The following CCNG2 variants were observed in gnomAD, a reference collection of about 807,000 sequenced individuals.
CCNG2 encodes cyclin-G2.
A neutral mutation model predicts 36.5 loss-of-function variants in CCNG2; 20 were observed. That is an observed-to-expected ratio of 0.55 (90% CI 0.39 to 0.80). CCNG2 has a LOEUF of 0.80. Among genes scored for constraint, CCNG2 ranks in the 30% least tolerant of loss-of-function variants. The pLI is 0.00. For missense variants in CCNG2, 358 were observed against 390.8 expected (o/e 0.92, Z 0.71); for synonymous variants, 155 against 140.1 (o/e 1.11, Z -0.75).
Position 77,165,899 on chromosome 4 carries a change from C to A in CCNG2, c.1010C>A (p.Ala337Glu). 1 of 1,609,348 alleles carries A rather than the reference C, an allele frequency of 6.2e-7. No homozygotes were observed. Among genetic ancestry groups the A allele is most frequent in the Admixed American group, 1.7e-5 (1 of 58,752 alleles). The change falls in exon 8 of 8, where the codon GCA becomes GAA. Residue 337 changes from alanine (A) to glutamate (E), a missense_variant. Coordinates refer to ENST00000316355, the MANE Select transcript of CCNG2 (RefSeq NM_004354.3). Reference sequence around the variant, plus strand: ...ACCTTCTTTTTCAACTTCAAAGTGGCACAAACACTGTGCTTTCCATCTTAG... The same window carrying A: ...ACCTTCTTTTTCAACTTCAAAGTGGAACAAACACTGTGCTTTCCATCTTAG... ...ECTFFFNFKV[A>E]QTLCFPS is the part of the protein sequence containing the mutation.
chr4:77,161,097 ATCT>A (rs1731422875), intron 4 of CCNG2, 126 bp downstream of exon 4: 8 of 475,294 alleles, frequency 1.7e-5, no homozygotes, highest in Non-Finnish European at 2.6e-5. Context: ...TTATTGGTAA[ATCT>A]TTTTTTTTTT....
In CCNG2 at chr4:77,169,059, T is replaced by C. The variant is rs567385537; in HGVS notation, c.*3135T>C. The C allele has an allele frequency of 5.3e-5, 8 of 152,376 alleles. No individual in the cohort carries two copies. Among genetic ancestry groups the C allele is most frequent in the African/African-American group, 1.7e-4 (7 of 41,570 alleles). The allele number at this position is 152,376 out of a possible 1,614,324, so 9.4% of individuals were successfully genotyped here. On this transcript the variant is annotated 3_prime_UTR_variant, in exon 8 of 8. Transcript: ENST00000316355. Reference sequence around the variant, plus strand: ...CCAGGAAGTGTGGTTAGACAAATAATGTGTTTTAATTACCTGTCACACTCA... The same window carrying C: ...CCAGGAAGTGTGGTTAGACAAATAACGTGTTTTAATTACCTGTCACACTCA...
chr4:77,159,214 C>T (rs1195546578), intron 2 of CCNG2, among the ~76,000 whole-genome samples, 153 bp from the exon 3 acceptor site: 1 of 152,080 alleles, frequency 6.6e-6, no homozygotes, highest in African/African-American at 2.4e-5. Flanking sequence ...TTTAGTTAAG[C>T]GATACCACTC....
Position 77,164,366 on chromosome 4 carries a change from G to A in CCNG2, c.798G>A (p.Lys266=). The part of the protein sequence containing the change: ...SSPECCKPDL[K]KLVWIVSRRT... ...CTGAATGTTGCAAACCAGATCTTAA[G>A]AAGTTGGTTTGGATCGTTTCAAGGC... is the stretch of plus-strand genomic sequence containing the variant. The change falls in exon 7 of 8, where the codon AAG becomes AAA. Residue 266 remains lysine (K), a synonymous_variant. Coordinates refer to ENST00000316355, the MANE Select transcript of CCNG2 (RefSeq NM_004354.3). The A allele has an allele frequency of 6.2e-7, 1 of 1,613,928 alleles. No individual in the cohort carries two copies. The highest frequency in any genetic ancestry group is 8.5e-7 in the Non-Finnish European group (1 of 1,179,880).
At position 77,166,505 on chromosome 4, in the gene CCNG2, T is replaced by G. The variant is rs546274418; in HGVS notation, c.*581T>G. On this transcript the variant is annotated 3_prime_UTR_variant, in exon 8 of 8. Transcript: ENST00000316355. ...ATTATAATATTGACATTTCTGTGAT[T>G]TTTATATATGTAATGTCTTAATTGA... 2.6e-5 allele frequency: 4 copies of G among 152,250 alleles called. No homozygotes were observed. Among genetic ancestry groups the G allele is most frequent in the Non-Finnish European group, 5.9e-5 (4 of 68,046 alleles). The allele number at this position is 152,250 out of a possible 1,614,324, so 9.4% of individuals were successfully genotyped here.
chr4:77,163,302 G>T (rs1731536925), intron 6 of CCNG2, among the ~76,000 whole-genome samples: 1 of 152,120 alleles, frequency 6.6e-6, no homozygotes, highest in Admixed American at 6.5e-5. Flanking sequence ...CAGACTGGAA[G>T]GAGGTTTTTA....
At chr4:77,163,912 T>C (rs1731553634) in intron 6 of CCNG2, among the ~76,000 whole-genome samples, 1 of 152,232 alleles carries the variant, frequency 6.6e-6, no homozygotes, top group South Asian at 2.1e-4. Context: ...CTAAGGACTA[T>C]ACTTGATAGC....
intron 6 of CCNG2, among the ~76,000 whole-genome samples, chr4:77,163,555 C>T (rs988154643): frequency 1.3e-5 from 2 of 152,018 alleles, no homozygotes; most frequent in African/African-American, 4.8e-5. Context: ...TAACTTTTTG[C>T]TTTAGTTATG....
In CCNG2 at chr4:77,165,851, C is replaced by G. The variant is rs758354196; in HGVS notation, c.962C>G (p.Ser321Cys). The G allele has an allele frequency of 1.2e-6, 2 of 1,611,526 alleles. No individual in the cohort carries two copies. The highest frequency in any genetic ancestry group is 1.3e-5 in the African/African-American group (1 of 74,920). ...MSCGEESLSSSPPSDQECTFF... is the reference protein window; with the variant it reads ...MSCGEESLSSCPPSDQECTFF... ...TGTGGAGAGGAGAGTCTCAGCAGCT[C>G]TCCTCCCAGTGATCAAGAGTGCACC... The change falls in exon 8 of 8, where the codon TCT (serine) becomes TGT (cysteine). Residue 321 changes from serine to cysteine, a missense_variant. Transcript: ENST00000316355.
intron 7 of CCNG2, 69 bp downstream of exon 7, chr4:77,164,548 T>A: frequency 8.6e-7 from 1 of 1,158,888 alleles, no homozygotes; most frequent in Non-Finnish European, 1.3e-6. Context: ...TACTCAGAAC[T>A]GGAATAGTGT....
At chr4:77,159,760 A>G (rs1015585435) in intron 3 of CCNG2, among the ~76,000 whole-genome samples, 3 of 152,210 alleles carry the variant, frequency 2.0e-5, no homozygotes, top group South Asian at 4.1e-4. Context: ...AGAGACTACT[A>G]TTTTTTAGGT....
chr4:77,165,466 A>T (rs1731603975), intron 7 of CCNG2, among the ~76,000 whole-genome samples: 2 of 149,476 alleles, frequency 1.3e-5, no homozygotes. Flanking sequence ...ATGCCCAGCT[A>T]ATTTTTGTAT....
At chr4:77,158,272 A>G in intron 1 of CCNG2, 1 of 458,542 alleles carries the variant, frequency 2.2e-6, no homozygotes, top group Non-Finnish European at 3.9e-6. Flanking sequence ...CCTGTTTGTG[A>G]AACGCCAAGA....
In CCNG2 at chr4:77,168,572, A is replaced by T. The variant is rs1037621878; in HGVS notation, c.*2648A>T. ...ATTTCCTAGACCTTAAAAAATGTGT[A>T]TTGAGAAAGAACTCTGTTAGCTATA... On this transcript the variant is annotated 3_prime_UTR_variant, in exon 8 of 8. Transcript: ENST00000316355. 1 of 152,176 alleles carries T rather than the reference A, an allele frequency of 6.6e-6. No individual in the cohort carries two copies. The highest frequency in any genetic ancestry group is 6.5e-5 in the Admixed American group (1 of 15,280). 9.4% of individuals were successfully genotyped at this position (152,176 alleles called of 1,614,324 possible).
chr4:77,159,575 A>G, intron 3 of CCNG2, 71 bp downstream of exon 3: 2 of 1,456,914 alleles, frequency 1.4e-6, no homozygotes, highest in Non-Finnish European at 9.4e-7. Context: ...GGTTCAAGAA[A>G]TATTTATCGA....
In CCNG2 at chr4:77,167,916, GTTGT is replaced by G. The variant is rs916088297; in HGVS notation, c.*1996_*1999del. 2 of 152,198 alleles carry G rather than the reference GTTGT, an allele frequency of 1.3e-5. No homozygotes were observed. Among genetic ancestry groups the G allele is most frequent in the African/African-American group, 4.8e-5 (2 of 41,440 alleles). The allele number at this position is 152,198 out of a possible 1,614,324, so 9.4% of individuals were successfully genotyped here. The stretch of plus-strand genomic sequence containing the variant: ...GATTTTGATTTGTTGAGATGTAAAA[GTTGT>G]TTGGGGCTTACCAAATCTCAAGACT... On this transcript the variant is annotated 3_prime_UTR_variant, in exon 8 of 8. Coordinates refer to ENST00000316355, the MANE Select transcript of CCNG2 (RefSeq NM_004354.3).
At position 77,167,846 on chromosome 4, in the gene CCNG2, TACTA is replaced by T. The variant is rs983080855; in HGVS notation, c.*1924_*1927del. On this transcript the variant is annotated 3_prime_UTR_variant, in exon 8 of 8. Transcript: ENST00000316355. ...TACTTGAGGATGACCTTTCCTCTCT[TACTA>T]AATAATATTAGTAAATAGTGGGCAA... 1 of 152,258 alleles carries T rather than the reference TACTA, an allele frequency of 6.6e-6. No individual in the cohort carries two copies. Among genetic ancestry groups the T allele is most frequent in the African/African-American group, 2.4e-5 (1 of 41,476 alleles). The allele number at this position is 152,258 out of a possible 1,614,324, so 9.4% of individuals were successfully genotyped here.
At chr4:77,158,752 A>G (rs1731344546) in intron 2 of CCNG2, 82 bp downstream of exon 2, 4 of 1,449,518 alleles carry the variant, frequency 2.8e-6, no homozygotes, top group East Asian at 2.3e-5. Flanking sequence ...TTGAATCATG[A>G]CTAAAGCCTG....
intron 6 of CCNG2, among the ~76,000 whole-genome samples, chr4:77,164,035 A>C (rs373598099): frequency 1.3e-5 from 2 of 152,196 alleles, no homozygotes; most frequent in African/African-American, 4.8e-5. Flanking sequence ...CTTCTCCTAA[A>C]CCAGTGGTTC....
Sources: gnomAD v4.1 joint callset for allele counts (sites outside exome capture counted in the v4.1 genomes callset) on GRCh38, gnomAD v4.1.1 for gene constraint, MANE v1.5 for transcripts, NCBI Gene and HGNC (gene_info 2026-07-23, HGNC 2026-07-21) for gene names.